The following SORCS1 variants were observed in gnomAD, a reference collection of about 807,000 sequenced individuals.
The protein encoded by SORCS1 is VPS10 domain-containing receptor SorCS1.
A neutral mutation model predicts 146.1 loss-of-function variants in SORCS1; 60 were observed. The ratio of observed to expected loss-of-function variants is 0.41; its 90% CI spans 0.33 to 0.51. The LOEUF is 0.51. Ranked by LOEUF, SORCS1 falls within the 20% of genes least tolerant of loss-of-function variation. SORCS1 has a pLI of 0.21. For synonymous variants in SORCS1, 637 were observed against 584.0 expected (o/e 1.09, Z -1.31); for missense variants, 1,352 against 1,487.6 (o/e 0.91, Z 1.50).
rs1844497280 is a variant in SORCS1, at chr10:106,574,529, CT to C, written c.*2890del. On this transcript the variant is annotated 3_prime_UTR_variant, in exon 26 of 26. Coordinates refer to ENST00000263054, the MANE Select transcript of SORCS1 (RefSeq NM_052918.5). ...ATGGCCTAGTACAATGGTTCTCAAA[CT>C]TTAGTATGTATCACAATCACTGGGA... is the stretch of plus-strand genomic sequence containing the variant. The C allele has an allele frequency of 6.6e-6, 1 of 152,574 alleles. No homozygotes were observed. Among genetic ancestry groups the C allele is most frequent in the Non-Finnish European group, 1.5e-5 (1 of 68,040 alleles). 9.5% of individuals were successfully genotyped at this position (152,574 alleles called of 1,614,324 possible). A position where few individuals can be genotyped will look rare whatever the true frequency, so the allele number is the denominator to read the frequency against.
intron 24 of SORCS1, among the ~76,000 whole-genome samples, chr10:106,588,883 AAAAAAAAG>A (rs1845417318): frequency 6.6e-6 from 1 of 150,820 alleles, no homozygotes; most frequent in East Asian, 1.9e-4. Flanking sequence ...AAAAAAAAAA[AAAAAAAAG>A]AAGATTCCTA....
chr10:106,698,865 C>G (rs1039583309), intron 9 of SORCS1, among the ~76,000 whole-genome samples: 9 of 152,066 alleles, frequency 5.9e-5, no homozygotes, highest in Non-Finnish European at 1.3e-4. Flanking sequence ...ATCCACCATC[C>G]CTTTACTCAC....
At chr10:106,968,476 G>T (rs1477682590) in intron 1 of SORCS1, among the ~76,000 whole-genome samples, 2 of 152,200 alleles carry the variant, frequency 1.3e-5, no homozygotes, top group Admixed American at 1.3e-4. Context: ...ACGATGAGGG[G>T]CCCTTCTGTT....
At chr10:107,026,463 C>CA (rs1958408918) in intron 1 of SORCS1, among the ~76,000 whole-genome samples, 1 of 151,762 alleles carries the variant, frequency 6.6e-6, no homozygotes, top group South Asian at 2.1e-4. Context: ...ACTAAAAATA[C>CA]AAAAAATTAG....
intron 2 of SORCS1, among the ~76,000 whole-genome samples, chr10:106,915,531 TC>T (rs1952378836): frequency 6.6e-6 from 1 of 152,220 alleles, no homozygotes; most frequent in South Asian, 2.1e-4. Flanking sequence ...ACCTGTGTGG[TC>T]TCATTTCACA....
chr10:106,672,946 C>G lies in SORCS1; in HGVS notation c.1980G>C (p.Leu660=). The stretch of plus-strand genomic sequence containing the variant: ...AAATGGACTTGTAATCTACTTTGAC[C>G]AGCTGCCATTCAGAGCGGTGGCTGA... ...GHFSHRSEWQ[L]VKVDYKSIFD... is the part of the protein sequence containing the mutation. Residue 660 remains leucine (L), a synonymous_variant, in exon 15 of 26, where the codon CTG becomes CTC. Coordinates refer to ENST00000263054, the MANE Select transcript of SORCS1 (RefSeq NM_052918.5). 1 of 1,614,052 alleles carries G rather than the reference C, an allele frequency of 6.2e-7. No individual in the cohort carries two copies. Among genetic ancestry groups the G allele is most frequent in the Non-Finnish European group, 8.5e-7 (1 of 1,180,008 alleles).
At chr10:106,674,973 C>T (rs888978874) in intron 14 of SORCS1, 76 bp downstream of exon 14, 1 of 1,155,914 alleles carries the variant, frequency 8.7e-7, no homozygotes, top group Non-Finnish European at 1.3e-6. Flanking sequence ...GCAAATCAAA[C>T]AGGCTTAGCT....
intron 1 of SORCS1, among the ~76,000 whole-genome samples, chr10:107,097,379 G>A (rs1283021248): frequency 3.3e-5 from 5 of 152,184 alleles, no homozygotes; most frequent in Non-Finnish European, 7.4e-5. Flanking sequence ...CAACAAAACT[G>A]GCTGGATCAT....
intron 5 of SORCS1, among the ~76,000 whole-genome samples, chr10:106,760,708 CTA>C (rs768383555): frequency 7.1e-4 from 83 of 116,950 alleles, no homozygotes; most frequent in African/African-American, 2.3e-3. Flanking sequence ...CACACACACA[CTA>C]ACACACACAC....
chr10:106,894,233 G>A (rs969771588), intron 2 of SORCS1, among the ~76,000 whole-genome samples: 6 of 151,584 alleles, frequency 4.0e-5, no homozygotes, highest in South Asian at 4.2e-4. Context: ...TGGGGCATGT[G>A]TGCATGTGTG....
intron 3 of SORCS1, among the ~76,000 whole-genome samples, chr10:106,801,342 T>C (rs899905603): frequency 2.0e-5 from 3 of 152,042 alleles, no homozygotes; most frequent in Non-Finnish European, 2.9e-5. Context: ...TTAAGAAAAA[T>C]TTCTAAATGT....
intron 16 of SORCS1, among the ~76,000 whole-genome samples, chr10:106,669,134 G>A (rs1469699210): frequency 6.6e-6 from 1 of 152,082 alleles, no homozygotes; most frequent in African/African-American, 2.4e-5. Flanking sequence ...TGAATGCAGG[G>A]ATTGGGCCAA....
chr10:107,130,585 C>A (rs1444585204), intron 1 of SORCS1, among the ~76,000 whole-genome samples: 1 of 152,192 alleles, frequency 6.6e-6, no homozygotes, highest in Non-Finnish European at 1.5e-5. Flanking sequence ...TTCTGTGCAG[C>A]AGACAGGCAA....
chr10:106,598,154 T>C (rs549644485), intron 23 of SORCS1, among the ~76,000 whole-genome samples: 34 of 151,960 alleles, frequency 2.2e-4, no homozygotes, highest in African/African-American at 8.0e-4. Context: ...CTGTTTAGAG[T>C]AGAAAACCTA....
intron 1 of SORCS1, among the ~76,000 whole-genome samples, chr10:107,081,838 G>A (rs960200355): frequency 3.3e-5 from 5 of 152,182 alleles, no homozygotes; most frequent in Admixed American, 2.0e-4. Context: ...GAAAACCACA[G>A]AGAAGAATTC....
Position 106,577,338 on chromosome 10 carries a change from G to A in SORCS1, c.*82C>T. 4 of 1,611,408 alleles carry A rather than the reference G, an allele frequency of 2.5e-6. No individual in the cohort carries two copies. The highest frequency in any genetic ancestry group is 3.4e-6 in the Non-Finnish European group (4 of 1,178,840). ...AGGAAAGAAAAAAAACACAAAGTTA[G>A]TGGTCATGAAGGATGATGTACTTGA... On this transcript the variant is annotated 3_prime_UTR_variant, in exon 26 of 26. Transcript: ENST00000263054.
At position 106,579,343 on chromosome 10, in the gene SORCS1, G is replaced by C. The variant is rs756157639; in HGVS notation, c.3371+26C>G. ...GGGAGAAGGAAGAGGTCAGGGGTGG[G>C]GGAACGTGGATAGAGGGACACGCAC... is the stretch of plus-strand genomic sequence containing the variant. On this transcript the variant is annotated intron_variant, in intron 25 of 25. Transcript: ENST00000263054. 6.2e-6 allele frequency: 10 copies of C among 1,613,880 alleles called. 1 individual carries two copies. The South Asian group carries it at 9.9e-5, about 16-fold the overall frequency.
chr10:106,638,909 G>T (rs572825436), intron 18 of SORCS1, among the ~76,000 whole-genome samples: 1 of 152,274 alleles, frequency 6.6e-6, no homozygotes, highest in African/African-American at 2.4e-5. Flanking sequence ...GATCCTAATT[G>T]TCACTTCCAA....
At chr10:106,591,777 A>T (rs1359818806) in intron 24 of SORCS1, among the ~76,000 whole-genome samples, 1 of 152,188 alleles carries the variant, frequency 6.6e-6, no homozygotes, top group Non-Finnish European at 1.5e-5. Flanking sequence ...AGACAAGGGG[A>T]AGATGTTGTC....
Sources: gnomAD v4.1 joint callset for allele counts (sites outside exome capture counted in the v4.1 genomes callset) on GRCh38, gnomAD v4.1.1 for gene constraint, MANE v1.5 for transcripts, NCBI Gene and HGNC (gene_info 2026-07-23, HGNC 2026-07-21) for gene names.